Variants in MIB1 observed in about 807,000 individuals in gnomAD.
MIB1 encodes MIB E3 ubiquitin protein ligase 1, also known as E3 ubiquitin-protein ligase MIB1.
MIB1 carries 278 observed loss-of-function variants against 124.5 expected under a neutral mutation model. That is an observed-to-expected ratio of 2.23 (90% CI 2.02 to 2.47). MIB1 has a LOEUF of 2.47. Ranked by LOEUF, MIB1 falls within the 30% of genes most tolerant of loss-of-function variation. MIB1 has a pLI of 0.00. For synonymous variants in MIB1, 446 were observed against 429.4 expected, an observed-to-expected ratio of 1.04 and a Z score of -0.48; for missense variants, 957 against 1,254.4, an observed-to-expected ratio of 0.76 and a Z score of 3.58.
intron 1 of MIB1, among the ~76,000 whole-genome samples, chr18:21,732,694 A>G (rs1220273754): frequency 6.6e-6 from 1 of 152,150 alleles, no homozygotes; most frequent in Non-Finnish European, 1.5e-5. Context: ...AGATTTTTTA[A>G]GATTAGGAAA....
intron 10 of MIB1, among the ~76,000 whole-genome samples, chr18:21,804,582 G>T (rs541716472): frequency 3.9e-5 from 6 of 152,166 alleles, no homozygotes; most frequent in Non-Finnish European, 8.8e-5. Context: ...GGATCTCTCT[G>T]TATCTCTATT....
intron 10 of MIB1, among the ~76,000 whole-genome samples, chr18:21,812,949 A>C (rs1056486302): frequency 2.0e-5 from 3 of 152,212 alleles, no homozygotes; most frequent in Non-Finnish European, 4.4e-5. Flanking sequence ...GCAGTTTTCT[A>C]ATTTAGAAGA....
chr18:21,819,550 TC>T lies in MIB1; in HGVS notation c.1735del (p.Leu579Ter). 1 of 1,610,862 alleles carries T rather than the reference TC, an allele frequency of 6.2e-7. No individual in the cohort carries two copies. Among genetic ancestry groups the T allele is most frequent in the Non-Finnish European group, 8.5e-7 (1 of 1,177,386 alleles). ...GCAATAAGTAAGAAACGTGATGATA[TC>T]CTAGCAGTTCTTTTGGAAGCTGGAG... ...HDAISKKRDDILAVLLEAGAD... is the reference protein window; with the variant it reads ...HDAISKKRDDXLAVLLEAGAD... On this transcript the variant is annotated frameshift_variant, in exon 12 of 21. Transcript: ENST00000261537. LOFTEE classifies it high-confidence loss of function.
In MIB1 at chr18:21,791,560, A is replaced by G. The variant is rs372212766; in HGVS notation, c.1092+3A>G. ...AATGGGCTGAAGCGATGCTTCCAGT[A>G]AGTATGTTTAGAATAATTCTGGGCT... On this transcript the variant is annotated splice_donor_region_variant and intron_variant, in intron 7 of 20. Transcript: ENST00000261537. 331 of 1,607,400 alleles carry G rather than the reference A, an allele frequency of 2.1e-4. No individual in the cohort carries two copies. The highest frequency in any genetic ancestry group is 2.4e-4 in the Non-Finnish European group (279 of 1,174,976).
At chr18:21,845,550 A>G (rs751607939) in intron 15 of MIB1, among the ~76,000 whole-genome samples, 24 of 152,194 alleles carry the variant, frequency 1.6e-4, no homozygotes, top group Non-Finnish European at 1.5e-5. Context: ...ATTGTGTGAC[A>G]TATGGATCCA....
intron 1 of MIB1, among the ~76,000 whole-genome samples, chr18:21,760,694 G>A (rs1388298836): frequency 1.3e-5 from 2 of 152,192 alleles, no homozygotes; most frequent in African/African-American, 2.4e-5. Flanking sequence ...ATCATTGTAT[G>A]TTGTGGAAAA....
chr18:21,726,022 T>A (rs2040740457), intron 1 of MIB1, among the ~76,000 whole-genome samples: 1 of 152,188 alleles, frequency 6.6e-6, no homozygotes, highest in South Asian at 2.1e-4. Context: ...AGTGGTCATA[T>A]GAAACACTTC....
At chr18:21,766,219 A>G (rs1345193331) in intron 2 of MIB1, among the ~76,000 whole-genome samples, 1 of 152,332 alleles carries the variant, frequency 6.6e-6, no homozygotes, top group East Asian at 1.9e-4. Flanking sequence ...ATACAAGGGT[A>G]TCCAAAAAGA....
chr18:21,778,155 A>C lies in MIB1; in HGVS notation c.689A>C (p.His230Pro). 6.2e-7 allele frequency: 1 copy of C among 1,607,200 alleles called. No individual in the cohort carries two copies. Among genetic ancestry groups the C allele is most frequent in the Non-Finnish European group, 8.5e-7 (1 of 1,174,096 alleles). The change falls in exon 5 of 21, where the codon CAC becomes CCC. Residue 230 changes from histidine (H) to proline (P), a missense_variant. By Grantham distance (77) the His-to-Pro change is moderately conservative. Transcript: ENST00000261537. ...AAGGGAGGTTCTTTCTACAGAGATC[A>C]CTGCCCTGTGCTAGGTGAGTGAGAA... ...DAKGGSFYRD[H>P]CPVLGEQNGN...
At chr18:21,823,565 C>G (rs1216341617) in intron 12 of MIB1, among the ~76,000 whole-genome samples, 1 of 152,080 alleles carries the variant, frequency 6.6e-6, no homozygotes, top group Non-Finnish European at 1.5e-5. Flanking sequence ...CAAAGCTGAT[C>G]TTGATGTTTT....
intron 12 of MIB1, among the ~76,000 whole-genome samples, chr18:21,834,675 A>G (rs534135072): frequency 6.6e-6 from 1 of 152,232 alleles, no homozygotes; most frequent in Non-Finnish European, 1.5e-5. Context: ...CAACTGAGGA[A>G]TAGTCTACAC....
intron 11 of MIB1, chr18:21,817,824 T>TAAACGCTTAGATTA: frequency 4.1e-6 from 1 of 245,362 alleles, no homozygotes; most frequent in Non-Finnish European, 8.3e-6. Context: ...ATGCAGGAAA[T>TAAACGCTTAGATTA]ATGTCTAGTA....
chr18:21,742,183 ACTGT>A (rs2040861462), intron 1 of MIB1, among the ~76,000 whole-genome samples: 1 of 152,044 alleles, frequency 6.6e-6, no homozygotes, highest in Non-Finnish European at 1.5e-5. Context: ...CCAAGTGATA[ACTGT>A]CTGAAGGGAG....
At chr18:21,770,690 A>AT (rs1419051836) in intron 3 of MIB1, among the ~76,000 whole-genome samples, 2 of 152,138 alleles carry the variant, frequency 1.3e-5, no homozygotes, top group Non-Finnish European at 2.9e-5. Flanking sequence ...TACAAATATG[A>AT]TTAAGTATAC....
intron 12 of MIB1, among the ~76,000 whole-genome samples, chr18:21,832,588 C>T (rs1202276203): frequency 6.6e-6 from 1 of 151,954 alleles, no homozygotes; most frequent in Non-Finnish European, 1.5e-5. Context: ...TTTTTTAATC[C>T]AAATATGTCC....
At chr18:21,851,407 T>C (rs1453816483) in intron 17 of MIB1, among the ~76,000 whole-genome samples, 1 of 152,144 alleles carries the variant, frequency 6.6e-6, no homozygotes, top group Non-Finnish European at 1.5e-5. Flanking sequence ...ATGAAAGTTT[T>C]ATAATTTATA....
At chr18:21,766,960 T>C (rs2041168042) in intron 2 of MIB1, among the ~76,000 whole-genome samples, 1 of 152,136 alleles carries the variant, frequency 6.6e-6, no homozygotes, top group African/African-American at 2.4e-5. Context: ...TTTCTGATTA[T>C]GTGAATGAGA....
intron 1 of MIB1, among the ~76,000 whole-genome samples, chr18:21,727,938 C>T (rs1354653093): frequency 1.3e-5 from 2 of 152,166 alleles, no homozygotes; most frequent in Non-Finnish European, 2.9e-5. Flanking sequence ...TGTCCATCCC[C>T]TTGATTGCAA....
At chr18:21,719,102 C>T (rs1227318873) in intron 1 of MIB1, among the ~76,000 whole-genome samples, 7 of 151,464 alleles carry the variant, frequency 4.6e-5, no homozygotes, top group African/African-American at 1.2e-4. Context: ...GCAGGAGAAT[C>T]GTTTGAACCC....
Sources: allele counts gnomAD v4.1 joint callset (sites outside exome capture counted in the v4.1 genomes callset), GRCh38; gene constraint gnomAD v4.1.1; transcripts MANE v1.5; gene names NCBI Gene and HGNC (gene_info 2026-07-23, HGNC 2026-07-21).